Variants in GABRB2 observed in about 807,000 individuals in gnomAD.
GABRB2 encodes gamma-aminobutyric acid receptor subunit beta-2.
Under a neutral mutation model 54.7 loss-of-function variants are expected in GABRB2, and 16 were observed. The ratio of observed to expected loss-of-function variants is 0.29; its 90% CI spans 0.20 to 0.44. GABRB2 has a LOEUF of 0.44. Ranked by LOEUF, GABRB2 falls within the 20% of genes least tolerant of loss-of-function variation. The pLI, the probability that GABRB2 is intolerant of heterozygous loss-of-function variation, is 1.00. For missense variants in GABRB2, 355 were observed against 644.0 expected (o/e 0.55, Z 4.86); for synonymous variants, 244 against 233.8 (o/e 1.04, Z -0.40).
chr5:161,406,734 G>A (rs1211510565), intron 5 of GABRB2, among the ~76,000 whole-genome samples: 2 of 152,134 alleles, frequency 1.3e-5, no homozygotes, highest in Middle Eastern at 6.8e-3. Flanking sequence ...GACTCTGAGA[G>A]GCCAGCAACA....
intron 3 of GABRB2, among the ~76,000 whole-genome samples, chr5:161,537,101 C>T (rs1475306374): frequency 6.6e-6 from 1 of 152,134 alleles, no homozygotes; most frequent in Non-Finnish European, 1.5e-5. Flanking sequence ...GCTTCTCAAA[C>T]TCAGGTTTTA....
At chr5:161,408,854 A>AT (rs1756424206) in intron 5 of GABRB2, among the ~76,000 whole-genome samples, 1 of 151,996 alleles carries the variant, frequency 6.6e-6, no homozygotes, top group Non-Finnish European at 1.5e-5. Context: ...CTAGGGTATG[A>AT]TTAAAGTAAA....
At chr5:161,475,220 A>G (rs1463777564) in intron 3 of GABRB2, among the ~76,000 whole-genome samples, 3 of 152,008 alleles carry the variant, frequency 2.0e-5, no homozygotes, top group Admixed American at 1.3e-4. Flanking sequence ...ATATAGAATT[A>G]CACATGACAT....
intron 3 of GABRB2, among the ~76,000 whole-genome samples, chr5:161,467,269 A>G (rs1298393079): frequency 6.6e-6 from 1 of 152,136 alleles, no homozygotes; most frequent in African/African-American, 2.4e-5. Context: ...TGTAATTTTA[A>G]AAGACAAAAT....
At chr5:161,474,255 T>C (rs1297686338) in intron 3 of GABRB2, among the ~76,000 whole-genome samples, 1 of 152,014 alleles carries the variant, frequency 6.6e-6, no homozygotes, top group Non-Finnish European at 1.5e-5. Context: ...AGCAATTCTT[T>C]CATTCCTCCC....
At chr5:161,331,320 A>G (rs777927551) in intron 7 of GABRB2, among the ~76,000 whole-genome samples, 193 bp from the exon 8 acceptor site, 9 of 152,188 alleles carry the variant, frequency 5.9e-5, no homozygotes, top group Non-Finnish European at 1.2e-4. Flanking sequence ...GTGATCACTG[A>G]ACGTTTGATC....
chr5:161,414,344 C>T (rs915094794), intron 4 of GABRB2, among the ~76,000 whole-genome samples: 4 of 152,138 alleles, frequency 2.6e-5, no homozygotes, highest in African/African-American at 9.7e-5. Flanking sequence ...ATGTTTTTAA[C>T]TCATAAACTG....
intron 5 of GABRB2, among the ~76,000 whole-genome samples, chr5:161,339,067 C>T (rs1754077676): frequency 6.6e-6 from 1 of 152,106 alleles, no homozygotes; most frequent in Non-Finnish European, 1.5e-5. Flanking sequence ...ATCCATATCT[C>T]TCAGTTATGA....
rs1755470305 is a variant in GABRB2, at chr5:161,381,586, T to C, written c.541+29389A>G. Among the ~76,000 whole-genome samples, 3 of 152,152 alleles carry C rather than the reference T, an allele frequency of 2.0e-5. No individual in the cohort carries two copies. In the South Asian group the frequency reaches 6.2e-4, roughly 32 times the overall value. The stretch of plus-strand genomic sequence containing the variant: ...ATCCTAGAAGAGGAGATGGGCTTTA[T>C]TCTGAAGGGGGTGAGTGGATATTCA... On this transcript the variant is annotated intron_variant, in intron 5 of 9. Coordinates refer to ENST00000393959, the MANE Select transcript of GABRB2 (RefSeq NM_001371727.1).
intron 4 of GABRB2, among the ~76,000 whole-genome samples, chr5:161,440,930 A>G (rs1757450861): frequency 6.6e-6 from 1 of 152,216 alleles, no homozygotes; most frequent in African/African-American, 2.4e-5. Flanking sequence ...AAAATACTAA[A>G]CTAGACCCCT....
At chr5:161,366,516 T>G (rs1167490644) in intron 5 of GABRB2, among the ~76,000 whole-genome samples, 1 of 152,134 alleles carries the variant, frequency 6.6e-6, no homozygotes, top group Non-Finnish European at 1.5e-5. Flanking sequence ...TCTATCCAAA[T>G]GCCAGTCAAT....
At chr5:161,476,441 G>A (rs1225822730) in intron 3 of GABRB2, among the ~76,000 whole-genome samples, 3 of 151,608 alleles carry the variant, frequency 2.0e-5, no homozygotes, top group Non-Finnish European at 4.4e-5. Context: ...ATAGAAAACT[G>A]TATCCTAAAA....
chr5:161,408,401 A>T (rs1291620030), intron 5 of GABRB2, among the ~76,000 whole-genome samples: 2 of 152,112 alleles, frequency 1.3e-5, no homozygotes, highest in Non-Finnish European at 2.9e-5. Flanking sequence ...GAGGCCAGGG[A>T]TATTGTATAT....
chr5:161,469,718 CATA>C (rs1464563391), intron 3 of GABRB2, among the ~76,000 whole-genome samples: 1 of 148,574 alleles, frequency 6.7e-6, no homozygotes, highest in Non-Finnish European at 1.5e-5. Flanking sequence ...TACACATACA[CATA>C]CACATACACA....
intron 3 of GABRB2, among the ~76,000 whole-genome samples, chr5:161,531,575 G>A (rs1760463447): frequency 6.6e-6 from 1 of 151,918 alleles, no homozygotes; most frequent in African/African-American, 2.4e-5. Context: ...TGCAAGGTAG[G>A]AATAAATGTG....
At chr5:161,351,518 C>T (rs967788747) in intron 5 of GABRB2, among the ~76,000 whole-genome samples, 3 of 151,984 alleles carry the variant, frequency 2.0e-5, no homozygotes, top group Admixed American at 2.0e-4. Context: ...AAATTAAAAC[C>T]CTTGTTCCAT....
In GABRB2 at chr5:161,291,246, T is replaced by A. The variant is rs980610964; in HGVS notation, c.*2835A>T. 1.3e-5 allele frequency: 2 copies of A among 152,504 alleles called. No homozygotes were observed. The highest frequency in any genetic ancestry group is 4.8e-5 in the African/African-American group (2 of 41,462). The allele number at this position is 152,504 out of a possible 1,614,324, so 9.4% of individuals were successfully genotyped here. The stretch of plus-strand genomic sequence containing the variant: ...GAAAAAACACCTTAATTGCTGGCTA[T>A]CTGGCTGTTTATAATTAAAAGAAAA... On this transcript the variant is annotated 3_prime_UTR_variant, in exon 10 of 10. Transcript: ENST00000393959.
intron 5 of GABRB2, among the ~76,000 whole-genome samples, chr5:161,342,989 C>T (rs945255473): frequency 1.3e-5 from 2 of 152,044 alleles, no homozygotes; most frequent in African/African-American, 4.8e-5. Context: ...GAATGAAATC[C>T]ACTCCATGCA....
At chr5:161,411,224 A>G (rs967440464) in intron 4 of GABRB2, among the ~76,000 whole-genome samples, 167 bp from the exon 5 acceptor site, 1 of 152,240 alleles carries the variant, frequency 6.6e-6, no homozygotes, top group Non-Finnish European at 1.5e-5. Context: ...ACACTGATTC[A>G]GAAGATAGAG....
Sources: allele counts gnomAD v4.1 joint callset (sites outside exome capture counted in the v4.1 genomes callset), GRCh38; gene constraint gnomAD v4.1.1; transcripts MANE v1.5; gene names NCBI Gene and HGNC (gene_info 2026-07-23, HGNC 2026-07-21).